Variants in MIB2 observed in about 807,000 individuals in gnomAD.
MIB2 encodes E3 ubiquitin-protein ligase MIB2.
In MIB2, 78 loss-of-function variants were observed where a neutral mutation model predicts 96.6. That is an observed-to-expected ratio of 0.81 (90% CI 0.67 to 0.97). The LOEUF (loss-of-function observed/expected upper bound fraction) is 0.97. Among genes scored for constraint, MIB2 ranks in the 50% least tolerant of loss-of-function variants. MIB2 has a pLI of 0.00. For missense variants in MIB2, 1,543 were observed against 1,424.0 expected, an observed-to-expected ratio of 1.08 and a Z score of -1.35; for synonymous variants, 820 against 629.5, an observed-to-expected ratio of 1.30 and a Z score of -4.53.
Position 1,627,154 on chromosome 1 carries a change from G to A in MIB2, c.1321G>A (p.Ala441Thr), listed in dbSNP as rs1433297213. The change falls in exon 11 of 20, where the codon GCG (alanine) becomes ACG (threonine). Residue 441 changes from alanine (A) to threonine (T), a missense_variant. By Grantham distance (58) the Ala-to-Thr change is moderately conservative. Coordinates refer to ENST00000355826, the MANE Select transcript of MIB2 (RefSeq NM_001170687.4). ...EHPGRLVVEV[A>T]LGNAARALDL... The stretch of plus-strand genomic sequence containing the variant: ...CCCGGGAAGGCTGGTGGTGGAGGTG[G>A]CGCTGGGTAACGCAGCCCGGGCTCT... 1.3e-6 allele frequency: 2 copies of A among 1,591,908 alleles called. No individual in the cohort carries two copies. Among genetic ancestry groups the A allele is most frequent in the South Asian group, 2.2e-5 (2 of 88,946 alleles).
rs776261867 is a variant in MIB2, at chr1:1,625,152, G to A, written c.688G>A (p.Gly230Ser). 3.0e-5 allele frequency: 48 copies of A among 1,612,348 alleles called. No homozygotes were observed. Among genetic ancestry groups the A allele is most frequent in the East Asian group, 2.2e-5 (1 of 44,868 alleles). The change falls in exon 6 of 20, where the codon GGC (glycine) becomes AGC (serine). Residue 230 changes from glycine (G) to serine (S), a missense_variant. Coordinates refer to ENST00000355826, the MANE Select transcript of MIB2 (RefSeq NM_001170687.4). The surrounding 1 kb of genome is among the most constrained non-coding windows in gnomAD (Gnocchi z 5.0). ...CAAGTGTGTGGGCGAGGCAGCGGGCGGCTTCTACTACAAGGACCACCTCCC... is the reference window on the plus strand; with the variant it reads ...CAAGTGTGTGGGCGAGGCAGCGGGCAGCTTCTACTACAAGGACCACCTCCC... ...DLKCVGEAAG[G>S]FYYKDHLPRL...
chr1:1,629,151 C>G lies in MIB2; in HGVS notation c.2221C>G (p.Pro741Ala), dbSNP rs1440693911. Reference sequence around the variant, plus strand: ...CGCCCAGCTACAGGCCTCGGGCCTCCCCGGCAGCGCGGAGCTGACGGTGGG... The same window carrying G: ...CGCCCAGCTACAGGCCTCGGGCCTCGCCGGCAGCGCGGAGCTGACGGTGGG... Reference protein sequence around the residue: ...LLSRLQASGLPGSAELTVGAA... With the variant: ...LLSRLQASGLAGSAELTVGAA... The change falls in exon 17 of 20, where the codon CCC becomes GCC. Residue 741 changes from proline (P) to alanine (A), a missense_variant. Transcript: ENST00000355826. 6.7e-7 allele frequency: 1 copy of G among 1,497,824 alleles called. No individual in the cohort carries two copies. The highest frequency in any genetic ancestry group is 1.5e-5 in the African/African-American group (1 of 68,562). The allele number at this position is 1,497,824 out of a possible 1,614,324, so 92.8% of individuals were successfully genotyped here.
intron 16 of MIB2, 193 bp from the exon 17 acceptor site, chr1:1,628,940 G>T: frequency 1.4e-6 from 1 of 720,460 alleles, no homozygotes; most frequent in South Asian, 2.0e-5. Context: ...ATGGGGAGAG[G>T]TGGAGCTTAG....
At position 1,615,595 on chromosome 1, in the gene MIB2, A is replaced by G. The variant is rs1446969167; in HGVS notation, c.-168A>G. 3.2e-6 allele frequency: 5 copies of G among 1,564,640 alleles called. No individual in the cohort carries two copies. Among genetic ancestry groups the G allele is most frequent in the Non-Finnish European group, 3.4e-6 (4 of 1,159,732 alleles). ...CCGAAGCCGTCCCCGAGTCGCTCCTAGGTCACTGGCGCGATGCGGGCCGTC... is the reference window on the plus strand; with the variant it reads ...CCGAAGCCGTCCCCGAGTCGCTCCTGGGTCACTGGCGCGATGCGGGCCGTC... On this transcript the variant is annotated 5_prime_UTR_variant, in exon 1 of 20. Coordinates refer to ENST00000355826, the MANE Select transcript of MIB2 (RefSeq NM_001170687.4).
rs778982075 is a variant in MIB2 at position 1,623,833 on chromosome 1, C to T, written c.307C>T (p.Arg103Cys). The change falls in exon 4 of 20, where the codon CGC becomes TGC. Residue 103 changes from arginine (R) to cysteine (C), a missense_variant. Transcript: ENST00000355826. ...CCKKHGLRGM[R>C]WKCRVCLDYD... ...CAAGAAGCACGGGCTGCGGGGGATG[C>T]GCTGGAAGTGCCGTGTGTGCCTGGA... is the stretch of plus-strand genomic sequence containing the variant. 10 of 1,610,210 alleles carry T rather than the reference C, an allele frequency of 6.2e-6. No homozygotes were observed. The highest frequency in any genetic ancestry group is 3.3e-5 in the Admixed American group (2 of 59,720).
chr1:1,624,720 G>T lies in MIB2; in HGVS notation c.420-75G>T. On this transcript the variant is annotated intron_variant, in intron 4 of 19. Coordinates refer to ENST00000355826, the MANE Select transcript of MIB2 (RefSeq NM_001170687.4). The stretch of plus-strand genomic sequence containing the variant: ...GACAGGGGGCCTGCTCCACTGCATC[G>T]CTCTCCCAAGTGGCTCAAGATGGGA... 1.4e-6 allele frequency: 2 copies of T among 1,383,046 alleles called. No individual in the cohort carries two copies. Among genetic ancestry groups the T allele is most frequent in the Non-Finnish European group, 2.0e-6 (2 of 997,966 alleles). The allele number at this position is 1,383,046 out of a possible 1,614,324, so 85.7% of individuals were successfully genotyped here.
chr1:1,630,568 C>A lies in MIB2; in HGVS notation c.*38C>A. 3 of 1,439,626 alleles carry A rather than the reference C, an allele frequency of 2.1e-6. No individual in the cohort carries two copies. The highest frequency in any genetic ancestry group is 2.5e-5 in the East Asian group (1 of 39,818). The allele number at this position is 1,439,626 out of a possible 1,614,324, so 89.2% of individuals were successfully genotyped here. On this transcript the variant is annotated 3_prime_UTR_variant, in exon 20 of 20. Coordinates refer to ENST00000355826, the MANE Select transcript of MIB2 (RefSeq NM_001170687.4). Reference sequence around the variant, plus strand: ...GCCGCGCCCGAGCTGCCTTCGCGTGCCCCCGCCCTGTGTTTTATAAAAAGA... The same window carrying A: ...GCCGCGCCCGAGCTGCCTTCGCGTGACCCCGCCCTGTGTTTTATAAAAAGA...
chr1:1,616,052 C>G (rs1156529126), intron 1 of MIB2: 3 of 984,264 alleles, frequency 3.0e-6, no homozygotes, highest in East Asian at 1.1e-4. Flanking sequence ...CCCGCGCCCC[C>G]GAGCGGAGCG....
chr1:1,620,590 C>T (rs1229489870), intron 2 of MIB2, among the ~76,000 whole-genome samples: 1 of 152,214 alleles, frequency 6.6e-6, no homozygotes, highest in African/African-American at 2.4e-5. Context: ...GGAGCAGTGC[C>T]CCTCTCACTT....
chr1:1,629,320 G>C lies in MIB2; in HGVS notation c.2381+9G>C. ...TGCGCCCAGCGCTTCCGGTGAGTCC[G>C]TGGACGGCGGGGATGGGGTCCGGCG... On this transcript the variant is annotated intron_variant, in intron 17 of 19. Transcript: ENST00000355826. The C allele has an allele frequency of 6.8e-7, 1 of 1,475,834 alleles. No homozygotes were observed. The highest frequency in any genetic ancestry group is 1.4e-5 in the South Asian group (1 of 72,434). 91.4% of individuals were successfully genotyped at this position (1,475,834 alleles called of 1,614,324 possible). A position where few individuals can be genotyped will look rare whatever the true frequency, so the allele number is the denominator to read the frequency against.
rs1444972448 is a variant in MIB2 at position 1,628,131 on chromosome 1, G to A, written c.1793G>A (p.Ser598Asn). The change falls in exon 14 of 20, where the codon AGC becomes AAC. Residue 598 changes from serine (S) to asparagine (N), a missense_variant. Transcript: ENST00000355826. ...AACATCGATGTTACCGCCACCAACAGCCAGGGTTTCACCCTGCTGCACCAT... is the reference window on the plus strand; with the variant it reads ...AACATCGATGTTACCGCCACCAACAACCAGGGTTTCACCCTGCTGCACCAT... ...VPNIDVTATNSQGFTLLHHAS... is the reference protein window; with the variant it reads ...VPNIDVTATNNQGFTLLHHAS... 11 of 1,613,272 alleles carry A rather than the reference G, an allele frequency of 6.8e-6. No homozygotes were observed. The highest frequency in any genetic ancestry group is 2.7e-5 in the African/African-American group (2 of 74,938).
Position 1,615,644 on chromosome 1 carries a change from G to C in MIB2, c.-130+11G>C. ...TCCTCTCGGCTGATGGTGCGTGCGGGCGCGGATCTCCTCCCCTGGTCCTCC... is the reference window on the plus strand; with the variant it reads ...TCCTCTCGGCTGATGGTGCGTGCGGCCGCGGATCTCCTCCCCTGGTCCTCC... On this transcript the variant is annotated intron_variant, in intron 1 of 19. Transcript: ENST00000355826. The C allele has an allele frequency of 6.3e-7, 1 of 1,575,360 alleles. No individual in the cohort carries two copies. Among genetic ancestry groups the C allele is most frequent in the Non-Finnish European group, 8.6e-7 (1 of 1,164,626 alleles).
In MIB2 at chr1:1,630,481, G is replaced by T. The variant is rs1262926903; in HGVS notation, c.2819G>T (p.Cys940Phe). Residue 940 changes from cysteine (C) to phenylalanine (F), a missense_variant, in exon 20 of 20, where the codon TGC becomes TTC. Cys to Phe is a radical substitution (Grantham distance 205). Transcript: ENST00000355826. ...CCCTGCGGCTCCGCGCTCAGCGCCT[G>T]CCCCATCTGCCGCCAGCCCATCCGC... ...CAPCGSALSACPICRQPIRDR... is the reference protein window; with the variant it reads ...CAPCGSALSAFPICRQPIRDR... 6.3e-7 allele frequency: 1 copy of T among 1,593,822 alleles called. No individual in the cohort carries two copies. The highest frequency in any genetic ancestry group is 1.7e-5 in the Admixed American group (1 of 59,086).
At chr1:1,617,611 G>C (rs557434000) in intron 2 of MIB2, 45 of 152,326 alleles carry the variant, frequency 3.0e-4, no homozygotes, top group African/African-American at 1.1e-3. Flanking sequence ...GTCTCCAGTG[G>C]CTTTAGCTTC....
chr1:1,628,096 G>A lies in MIB2; in HGVS notation c.1758G>A (p.Thr586=), dbSNP rs756376220. The A allele has an allele frequency of 1.3e-5, 21 of 1,613,180 alleles. No homozygotes were observed. Among genetic ancestry groups the A allele is most frequent in the African/African-American group, 4.0e-5 (3 of 74,936 alleles). ...TGASGIVEVL[T]EVPNIDVTAT... is the part of the protein sequence containing the mutation. ...CCAGCGGCATTGTCGAGGTCCTCAC[G>A]GAGGTGCCAAACATCGATGTTACCG... is the stretch of plus-strand genomic sequence containing the variant. The change falls in exon 14 of 20, where the codon ACG becomes ACA. Residue 586 remains threonine, a synonymous_variant. Transcript: ENST00000355826.
chr1:1,628,578 A>T lies in MIB2; in HGVS notation c.2058A>T (p.Leu686=). The T allele has an allele frequency of 6.2e-7, 1 of 1,600,980 alleles. No homozygotes were observed. Among genetic ancestry groups the T allele is most frequent in the Non-Finnish European group, 8.5e-7 (1 of 1,178,088 alleles). Residue 686 remains leucine (L), a synonymous_variant, in exon 16 of 20, where the codon CTA becomes CTT. Transcript: ENST00000355826. ...VQQAHVGLVP[L]LVDAGCSVNA... is the part of the protein sequence containing the mutation. ...AGGCCCACGTGGGGCTGGTGCCGCTACTGGTGGACGCTGGGTGCAGTGTCA... is the reference window on the plus strand; with the variant it reads ...AGGCCCACGTGGGGCTGGTGCCGCTTCTGGTGGACGCTGGGTGCAGTGTCA...
rs1022563089 is a variant in MIB2 at position 1,628,763 on chromosome 1, G to C, written c.2202+41G>C. ...GTGGGGTGCTGGAGAGGCTGCGGTG[G>C]CGCCGGCAGCAGGCTCTGGGCAGGG... is the stretch of plus-strand genomic sequence containing the variant. On this transcript the variant is annotated intron_variant, in intron 16 of 19. Transcript: ENST00000355826. The C allele has an allele frequency of 2.1e-6, 3 of 1,429,996 alleles. No homozygotes were observed. The African/African-American group carries it at 4.3e-5, about 20-fold the overall frequency. The allele number at this position is 1,429,996 out of a possible 1,614,324, so 88.6% of individuals were successfully genotyped here.
chr1:1,629,530 CTGT>C lies in MIB2; in HGVS notation c.2529_2531del (p.Phe844del). On this transcript the variant is annotated inframe_deletion, in exon 18 of 20. Coordinates refer to ENST00000355826, the MANE Select transcript of MIB2 (RefSeq NM_001170687.4). ...GTGCTCCGAGCTGGCGCTGCTGGTG[CTGT>C]TCTCGCCGTGCCAGCACCGCACCGT... 6.5e-7 allele frequency: 1 copy of C among 1,543,074 alleles called. No individual in the cohort carries two copies. The highest frequency in any genetic ancestry group is 8.7e-7 in the Non-Finnish European group (1 of 1,148,436).
At chr1:1,627,255 G>A in intron 11 of MIB2, 41 bp from the exon 12 acceptor site, 1 of 1,612,910 alleles carries the variant, frequency 6.2e-7, no homozygotes, top group Non-Finnish European at 8.5e-7. Flanking sequence ...TGAGAGTGAG[G>A]GGCAGAGGGC....
Sources: allele counts gnomAD v4.1 joint callset (sites outside exome capture counted in the v4.1 genomes callset), GRCh38; gene constraint gnomAD v4.1.1; non-coding constraint Gnocchi (gnomAD v3.1); transcripts MANE v1.5; gene names NCBI Gene and HGNC (gene_info 2026-07-23, HGNC 2026-07-21).